The following MAML2 variants were observed in gnomAD, a reference collection of about 807,000 sequenced individuals.
MAML2 encodes the protein mastermind-like protein 2.
In MAML2, 22 loss-of-function variants were observed where a neutral mutation model predicts 96.1. That is an observed-to-expected ratio of 0.23 (90% confidence interval 0.16 to 0.33). The LOEUF (loss-of-function observed/expected upper bound fraction) is 0.33, where lower values mean the gene tolerates loss of function less well. MAML2 is among the 10% of genes least tolerant of loss of function. MAML2 has a pLI of 1.00. For synonymous variants in MAML2, 561 were observed against 521.3 expected (o/e 1.08, Z -1.04); for missense variants, 1,367 against 1,392.4 (o/e 0.98, Z 0.29).
At chr11:96,144,563 T>G (rs758458712) in intron 1 of MAML2, among the ~76,000 whole-genome samples, 3 of 152,200 alleles carry the variant, frequency 2.0e-5, no homozygotes, top group Non-Finnish European at 4.4e-5. Flanking sequence ...TTCCCCTCCA[T>G]GTAGCTGACC....
chr11:96,316,338 G>A (rs1863633068), intron 1 of MAML2, among the ~76,000 whole-genome samples: 1 of 152,102 alleles, frequency 6.6e-6, no homozygotes, highest in Admixed American at 6.5e-5. Flanking sequence ...ACCAGAATGG[G>A]AACCAATACA....
rs1292134967 is a variant in MAML2, at chr11:96,093,393, G to T, written c.638C>A (p.Ser213Tyr). 4 of 1,613,932 alleles carry T rather than the reference G, an allele frequency of 2.5e-6. No individual in the cohort carries two copies. Among genetic ancestry groups the T allele is most frequent in the Non-Finnish European group, 1.7e-6 (2 of 1,179,914 alleles). ...TATTTGGAGGCCACCTTGTCCTGCAGAGAGATTCTCCCCAACACGAATTCT... is the reference window on the plus strand; with the variant it reads ...TATTTGGAGGCCACCTTGTCCTGCATAGAGATTCTCCCCAACACGAATTCT... ...IKRIRVGENL[S>Y]AGQGGLQINN... Residue 213 changes from serine to tyrosine, a missense_variant, in exon 2 of 5, where the codon TCT becomes TAT. By Grantham distance (144) the Ser-to-Tyr change is moderately radical. Transcript: ENST00000524717.
rs759527895 is a variant in MAML2 at position 96,341,843 on chromosome 11, G to A, written c.53C>T (p.Ser18Phe). 1.3e-6 allele frequency: 2 copies of A among 1,570,418 alleles called. No individual in the cohort carries two copies. Among genetic ancestry groups the A allele is most frequent in the African/African-American group, 1.3e-5 (1 of 74,106 alleles). Residue 18 changes from serine (S) to phenylalanine (F), a missense_variant, in exon 1 of 5, where the codon TCT (serine) becomes TTT (phenylalanine). Coordinates refer to ENST00000524717, the MANE Select transcript of MAML2 (RefSeq NM_032427.4). The part of the protein sequence containing the change: ...QAPAGGLGGA[S>F]GAGLLGGGSV... ...GCCCCCTCCAAGGAGCCCCGCCCCAGAGGCCCCCCCTAGCCCTCCTGCGGG... is the reference window on the plus strand; with the variant it reads ...GCCCCCTCCAAGGAGCCCCGCCCCAAAGGCCCCCCCTAGCCCTCCTGCGGG...
At chr11:96,339,000 G>A (rs533598326) in intron 1 of MAML2, among the ~76,000 whole-genome samples, 5 of 152,272 alleles carry the variant, frequency 3.3e-5, no homozygotes, top group African/African-American at 7.2e-5. Context: ...TCTGAGTACC[G>A]TGCTGAGTAA....
intron 1 of MAML2, among the ~76,000 whole-genome samples, chr11:96,194,165 G>A (rs936539039): frequency 1.3e-5 from 2 of 152,216 alleles, no homozygotes; most frequent in African/African-American, 4.8e-5. Flanking sequence ...TGGCCAGGTG[G>A]TCAGTTCAAT....
At chr11:96,313,112 C>A (rs898698214) in intron 1 of MAML2, among the ~76,000 whole-genome samples, 1 of 152,146 alleles carries the variant, frequency 6.6e-6, no homozygotes, top group South Asian at 2.1e-4. Context: ...ACCATCTAAT[C>A]GTCATTATCC....
At position 96,342,432 on chromosome 11, in the gene MAML2, A is replaced by G; in HGVS notation, c.-537T>C. On this transcript the variant is annotated 5_prime_UTR_variant, in exon 1 of 5. Coordinates refer to ENST00000524717, the MANE Select transcript of MAML2 (RefSeq NM_032427.4). Reference sequence around the variant, plus strand: ...CATGTCTATGTAACCAGCAGCCTTGACTTTTCCTCAGGTTAAATAAAAAAC... The same window carrying G: ...CATGTCTATGTAACCAGCAGCCTTGGCTTTTCCTCAGGTTAAATAAAAAAC... 1 of 398,770 alleles carries G rather than the reference A, an allele frequency of 2.5e-6. No individual in the cohort carries two copies. Among genetic ancestry groups the G allele is most frequent in the Non-Finnish European group, 4.4e-6 (1 of 226,190 alleles). 24.7% of individuals were successfully genotyped at this position (398,770 alleles called of 1,614,324 possible).
intron 2 of MAML2, among the ~76,000 whole-genome samples, chr11:96,026,968 C>A (rs547441875): frequency 7.2e-5 from 11 of 152,070 alleles, no homozygotes; most frequent in Non-Finnish European, 1.3e-4. Context: ...ATAGTAAGTA[C>A]TTAATAAGTG....
intron 1 of MAML2, among the ~76,000 whole-genome samples, chr11:96,223,907 C>T (rs565289355): frequency 2.8e-4 from 43 of 152,124 alleles, no homozygotes; most frequent in Non-Finnish European, 1.9e-4. Context: ...GACAGCAGCA[C>T]TGAATTATTT....
chr11:96,184,632 C>T (rs1014814652), intron 1 of MAML2, among the ~76,000 whole-genome samples: 2 of 149,178 alleles, frequency 1.3e-5, no homozygotes, highest in African/African-American at 4.9e-5. Context: ...CTCTGTTTCC[C>T]AGGCTGGAGT....
At chr11:95,984,443 C>T (rs7114828) in intron 4 of MAML2, among the ~76,000 whole-genome samples, 23,921 of 152,108 alleles carry the variant, frequency 0.16, 3,609 homozygotes, top group African/African-American at 0.4. Context: ...AAACATACAT[C>T]CCATTCCTAA....
chr11:95,987,146 G>T (rs762404845), intron 3 of MAML2, among the ~76,000 whole-genome samples: 3 of 152,204 alleles, frequency 2.0e-5, no homozygotes, highest in African/African-American at 7.2e-5. Context: ...AATTCTAACT[G>T]AATAAAGAAG....
intron 1 of MAML2, among the ~76,000 whole-genome samples, chr11:96,323,293 G>A (rs1182205143): frequency 2.6e-5 from 4 of 152,046 alleles, no homozygotes; most frequent in African/African-American, 9.7e-5. Context: ...TAAGTTTAGG[G>A]TATCCATTTT....
rs555977208 is a variant in MAML2, at chr11:96,099,874, T to C, written c.514-6357A>G. On this transcript the variant is annotated intron_variant, in intron 1 of 4. Transcript: ENST00000524717. ...AGGCTGGTCTTGAACTCCTGGGCTC[T>C]AGCAATCCTCCTGCTTCAGCCTCCC... 3.9e-4 allele frequency among the ~76,000 whole-genome samples: 59 copies of C among 151,712 alleles called. 1 individual carries two copies. Among genetic ancestry groups the C allele is most frequent in the African/African-American group, 1.3e-3 (55 of 41,038 alleles).
chr11:96,328,020 C>G (rs572467062), intron 1 of MAML2, among the ~76,000 whole-genome samples: 2 of 151,958 alleles, frequency 1.3e-5, no homozygotes, highest in African/African-American at 4.8e-5. Flanking sequence ...CACTTCAACC[C>G]GGGGGGTGGA....
intron 2 of MAML2, among the ~76,000 whole-genome samples, chr11:96,008,304 T>C (rs1858217987): frequency 6.6e-6 from 1 of 152,334 alleles, no homozygotes; most frequent in East Asian, 1.9e-4. Flanking sequence ...TCCAGTGATT[T>C]TTCAATTTGG....
rs770308269 is a variant in MAML2 at position 96,092,516 on chromosome 11, G to T, written c.1515C>A (p.Gly505=). The T allele has an allele frequency of 8.2e-6, 13 of 1,595,014 alleles. No individual in the cohort carries two copies. The South Asian group carries it at 1.2e-4, about 15-fold the overall frequency. Residue 505 remains glycine (G), a synonymous_variant, in exon 2 of 5, where the codon GGC becomes GGA. Transcript: ENST00000524717. This position sits in a 1 kb window ranked among gnomAD's most constrained non-coding sequence, Gnocchi z 4.1. The part of the protein sequence containing the change: ...SPMPGVAGGS[G]QSKVMANYMY... ...TGTAGTTAGCCATTACTTTCGACTG[G>T]CCGCTGCCGCCAGCTACCCCAGGCA...
rs80194095 is a variant in MAML2 at position 96,026,218 on chromosome 11, A to G, written c.2140-34495T>C. Among the ~76,000 whole-genome samples, 897 of 152,356 alleles carry G rather than the reference A, an allele frequency of 5.9e-3. 11 individuals are homozygous for G. The highest frequency in any genetic ancestry group is 0.021 in the African/African-American group (869 of 41,576). On this transcript the variant is annotated intron_variant, in intron 2 of 4. Transcript: ENST00000524717. Reference sequence around the variant, plus strand: ...CTCTCCCATTAGACTAAGAGTGTTCAAAGAAGAGGAATCACACTTTGGCCA... The same window carrying G: ...CTCTCCCATTAGACTAAGAGTGTTCGAAGAAGAGGAATCACACTTTGGCCA...
rs954081263 is a variant in MAML2, at chr11:96,021,685, G to A, written c.2140-29962C>T. 3.3e-5 allele frequency among the ~76,000 whole-genome samples: 5 copies of A among 152,352 alleles called. No homozygotes were observed. The East Asian group carries it at 5.8e-4, about 18-fold the overall frequency. Reference sequence around the variant, plus strand: ...CTGCTCCAACACCTATAGTCCAAGAGTGACTATGATGGGCAGAACCCCTTT... The same window carrying A: ...CTGCTCCAACACCTATAGTCCAAGAATGACTATGATGGGCAGAACCCCTTT... On this transcript the variant is annotated intron_variant, in intron 2 of 4. Transcript: ENST00000524717.
Sources: gnomAD v4.1 joint callset for allele counts (sites outside exome capture counted in the v4.1 genomes callset) on GRCh38, gnomAD v4.1.1 for gene constraint, Gnocchi (gnomAD v3.1) non-coding constraint, MANE v1.5 for transcripts, NCBI Gene and HGNC (gene_info 2026-07-23, HGNC 2026-07-21) for gene names.